The following PLIN3 variants were observed in gnomAD, a reference collection of about 807,000 sequenced individuals.
PLIN3 encodes the protein perilipin 3.
PLIN3 carries 30 observed loss-of-function variants against 35.9 expected under a neutral mutation model. That is an observed-to-expected ratio of 0.84 (90% confidence interval 0.62 to 1.13). The LOEUF (loss-of-function observed/expected upper bound fraction) is 1.13. PLIN3 is among the 50% of genes most tolerant of loss of function. The pLI is 0.00. For missense variants in PLIN3, 603 were observed against 596.9 expected (o/e 1.01, Z -0.11); for synonymous variants, 261 against 262.5 (o/e 0.99, Z 0.06).
intron 4 of PLIN3, among the ~76,000 whole-genome samples, chr19:4,859,129 C>A (rs898736353): frequency 4.6e-5 from 7 of 152,178 alleles, no homozygotes; most frequent in African/African-American, 1.7e-4. Context: ...GGGTCACAGT[C>A]TCTGTCACAA....
intron 7 of PLIN3, among the ~76,000 whole-genome samples, chr19:4,844,203 C>G (rs1226278496): frequency 6.6e-6 from 1 of 152,084 alleles, no homozygotes; most frequent in Non-Finnish European, 1.5e-5. Context: ...GTAGCTCACG[C>G]TTGTAATCCC....
intron 4 of PLIN3, among the ~76,000 whole-genome samples, chr19:4,857,976 T>TA (rs60122189): frequency 0.2 from 24,201 of 123,946 alleles, 2,121 homozygotes; most frequent in Middle Eastern, 0.31. Flanking sequence ...AACTCCATCT[T>TA]AAAAAAAAAA....
intron 7 of PLIN3, among the ~76,000 whole-genome samples, chr19:4,841,518 T>C (rs2029890943): frequency 6.6e-6 from 1 of 151,102 alleles, no homozygotes; most frequent in African/African-American, 2.4e-5. Flanking sequence ...GAGATAGGGA[T>C]AGTTGCACAA....
Position 4,850,068 on chromosome 19 carries a change from C to A in PLIN3, c.634+1948G>T, listed in dbSNP as rs371938284. Among the ~76,000 whole-genome samples the A allele has an allele frequency of 6.6e-5, 10 of 151,590 alleles. No individual in the cohort carries two copies. The East Asian group carries it at 1.4e-3, about 21-fold the overall frequency. On this transcript the variant is annotated intron_variant, in intron 5 of 7. Transcript: ENST00000221957. The stretch of plus-strand genomic sequence containing the variant: ...TCAAGCCATTCTCTTGCCTCAGCCT[C>A]CCGAGTTAGCTGGGATTACAGGGAT...
intron 5 of PLIN3, among the ~76,000 whole-genome samples, chr19:4,850,715 G>A (rs918756777): frequency 4.0e-5 from 6 of 149,538 alleles, no homozygotes; most frequent in South Asian, 2.1e-4. Context: ...GATTACAGGC[G>A]TGACCCACCG....
intron 1 of PLIN3, among the ~76,000 whole-genome samples, chr19:4,864,452 T>G (rs762147056): frequency 1.5e-3 from 193 of 126,398 alleles, no homozygotes; most frequent in Non-Finnish European, 2.1e-3. Flanking sequence ...TCAGCCGTGG[T>G]TTGTTTTTTT....
intron 7 of PLIN3, among the ~76,000 whole-genome samples, chr19:4,842,036 A>G (rs2029908944): frequency 1.3e-5 from 2 of 151,876 alleles, no homozygotes; most frequent in Admixed American, 1.3e-4. Flanking sequence ...AGTTGAAATC[A>G]GGTCCTTGAA....
intron 1 of PLIN3, among the ~76,000 whole-genome samples, chr19:4,863,985 T>C (rs1169287825): frequency 6.6e-6 from 1 of 152,062 alleles, no homozygotes; most frequent in Non-Finnish European, 1.5e-5. Flanking sequence ...CAGGCTGCAG[T>C]GTAGTGGTGC....
intron 4 of PLIN3, among the ~76,000 whole-genome samples, chr19:4,858,426 G>A (rs2030544689): frequency 6.6e-6 from 1 of 151,576 alleles, no homozygotes; most frequent in African/African-American, 2.4e-5. Context: ...CGCCCAGGCT[G>A]GAGTGTAGTG....
At chr19:4,866,303 T>G (rs570561312) in intron 1 of PLIN3, among the ~76,000 whole-genome samples, 1 of 152,142 alleles carries the variant, frequency 6.6e-6, no homozygotes, top group South Asian at 2.1e-4. Context: ...TAGGCGTGAG[T>G]CATCCTGCCC....
chr19:4,848,386 G>A (rs1237850097), intron 5 of PLIN3, among the ~76,000 whole-genome samples: 1 of 152,218 alleles, frequency 6.6e-6, no homozygotes, highest in Non-Finnish European at 1.5e-5. Flanking sequence ...CGGGGATAAG[G>A]AAAATTAAAC....
chr19:4,848,326 C>T (rs77092294), intron 5 of PLIN3, among the ~76,000 whole-genome samples: 1 of 152,148 alleles, frequency 6.6e-6, no homozygotes, highest in Non-Finnish European at 1.5e-5. Context: ...TTATAAACCT[C>T]GAAGGCCTGG....
chr19:4,841,353 C>T (rs1334841967), intron 7 of PLIN3, among the ~76,000 whole-genome samples: 1 of 152,072 alleles, frequency 6.6e-6, no homozygotes, highest in Admixed American at 6.6e-5. Flanking sequence ...GCGCGAGAAG[C>T]CGGACACAAA....
intron 6 of PLIN3, 82 bp downstream of exon 6, chr19:4,847,609 C>G: frequency 1.7e-6 from 2 of 1,185,972 alleles, no homozygotes; most frequent in South Asian, 2.6e-5. Flanking sequence ...GAGGGGTGAG[C>G]AATAAGCCAC....
chr19:4,848,000 T>G (rs2030166301), intron 5 of PLIN3, 110 bp from the exon 6 acceptor site: 1 of 824,944 alleles, frequency 1.2e-6, no homozygotes, highest in African/African-American at 1.7e-5. Flanking sequence ...TTTATTTATT[T>G]AGAGATGGAG....
chr19:4,860,949 C>T (rs1183469843), intron 2 of PLIN3, among the ~76,000 whole-genome samples: 3 of 152,072 alleles, frequency 2.0e-5, no homozygotes, highest in Admixed American at 1.3e-4. Context: ...CCAGGCTGGG[C>T]GACACAGCAA....
At chr19:4,853,042 G>T (rs2030355645) in intron 4 of PLIN3, among the ~76,000 whole-genome samples, 2 of 152,028 alleles carry the variant, frequency 1.3e-5, no homozygotes, top group African/African-American at 4.8e-5. Context: ...TCAAACTCCT[G>T]ACCTAGTGAT....
intron 4 of PLIN3, among the ~76,000 whole-genome samples, chr19:4,858,396 G>A (rs2030543625): frequency 6.7e-6 from 1 of 149,108 alleles, no homozygotes. Context: ...TGTTGTTTTT[G>A]AGACAGAGTC....
Position 4,852,429 on chromosome 19 carries a change from C to T in PLIN3, c.349-128G>A, listed in dbSNP as rs192661650. ...CCCCGGGTGACCCCAGCATCTCCGT[C>T]TTCCCTCTGTATGTGGGCACCCCTC... On this transcript the variant is annotated intron_variant, in intron 4 of 7. Coordinates refer to ENST00000221957, the MANE Select transcript of PLIN3 (RefSeq NM_005817.5). 44 of 1,145,110 alleles carry T rather than the reference C, an allele frequency of 3.8e-5. No individual in the cohort carries two copies. In the African/African-American group the frequency reaches 4.5e-4, roughly 12 times the overall value. 70.9% of individuals were successfully genotyped at this position (1,145,110 alleles called of 1,614,324 possible).
Sources: gnomAD v4.1 joint callset for allele counts (sites outside exome capture counted in the v4.1 genomes callset) on GRCh38, gnomAD v4.1.1 for gene constraint, MANE v1.5 for transcripts, NCBI Gene and HGNC (gene_info 2026-07-23, HGNC 2026-07-21) for gene names.